ITSN2: variants seen among roughly 807,000 people sequenced by gnomAD.
ITSN2 encodes the protein intersectin 2, also known as intersectin-2.
A neutral mutation model predicts 243.7 loss-of-function variants in ITSN2; 156 were observed. The ratio of observed to expected loss-of-function variants is 0.64; its 90% confidence interval spans 0.56 to 0.73. ITSN2 has a LOEUF of 0.73. Among genes scored for constraint, ITSN2 ranks in the 30% least tolerant of loss-of-function variants. ITSN2 has a pLI of 0.00. For synonymous variants in ITSN2, 703 were observed against 699.9 expected, an observed-to-expected ratio of 1.00 and a Z score of -0.07; for missense variants, 1,801 against 1,996.1, an observed-to-expected ratio of 0.90 and a Z score of 1.86.
chr2:24,267,381 T>TA (rs11412953), intron 20 of ITSN2, among the ~76,000 whole-genome samples: 89,084 of 139,450 alleles, frequency 0.64, 27,815 homozygotes, highest in East Asian at 0.75. Context: ...ACTTAAAGTA[T>TA]AAAAAAAAAA....
intron 1 of ITSN2, among the ~76,000 whole-genome samples, chr2:24,348,759 C>G (rs1687778947): frequency 6.6e-6 from 1 of 152,088 alleles, no homozygotes; most frequent in East Asian, 1.9e-4. Flanking sequence ...AACCAAAAGG[C>G]TAACAGAATA....
rs1013620997 is a variant in ITSN2 at position 24,258,040 on chromosome 2, C to T, written c.2736G>A (p.Lys912=). The T allele has an allele frequency of 2.5e-6, 4 of 1,614,140 alleles. No individual in the cohort carries two copies. The highest frequency in any genetic ancestry group is 3.4e-6 in the Non-Finnish European group (4 of 1,179,982). ...TTGAGAAGTTCAAGTGGTTATCTTT[C>T]TTTGCAGTCCAGGAACAAAGGGCCT... ...KAQALCSWTA[K]KDNHLNFSKH... The change falls in exon 23 of 40, where the codon AAG becomes AAA. Residue 912 remains lysine (K), a synonymous_variant. Transcript: ENST00000355123.
At position 24,315,232 on chromosome 2, in the gene ITSN2, A is replaced by G. The variant is rs376365729; in HGVS notation, c.32-8T>C. Reference sequence around the variant, plus strand: ...CCCACATGTTTGGCCCTCCTGAAACATAAGTGGAAGAAACTATAGTGTATA... The same window carrying G: ...CCCACATGTTTGGCCCTCCTGAAACGTAAGTGGAAGAAACTATAGTGTATA... On this transcript the variant is annotated splice_polypyrimidine_tract_variant and splice_region_variant and intron_variant, in intron 2 of 39. Transcript: ENST00000355123. 4.3e-5 allele frequency: 67 copies of G among 1,557,948 alleles called. No homozygotes were observed. In the Middle Eastern group the frequency reaches 5.0e-4, roughly 12 times the overall value.
Position 24,203,759 on chromosome 2 carries a change from G to A in ITSN2, c.4961C>T (p.Pro1654Leu). 1.2e-6 allele frequency: 2 copies of A among 1,613,996 alleles called. No homozygotes were observed. The highest frequency in any genetic ancestry group is 1.7e-6 in the Non-Finnish European group (2 of 1,179,956). ...PDDFLGRTEI[P>L]VAKIRTEQES... is the part of the protein sequence containing the mutation. The stretch of plus-strand genomic sequence containing the variant: ...CTGTTCTGTTCGAATTTTTGCCACT[G>A]GAATTTCAGTACGACCCAGGAAATC... The change falls in exon 40 of 40, where the codon CCA becomes CTA. Residue 1654 changes from proline to leucine, a missense_variant. Transcript: ENST00000355123.
chr2:24,318,858 G>A (rs529031120), intron 2 of ITSN2, among the ~76,000 whole-genome samples: 211 of 152,292 alleles, frequency 1.4e-3, no homozygotes, highest in Admixed American at 2.7e-3. Context: ...GAACCTGGCC[G>A]CACAGAAGGT....
intron 18 of ITSN2, among the ~76,000 whole-genome samples, chr2:24,275,017 T>A (rs929136876): frequency 2.6e-4 from 39 of 152,352 alleles, no homozygotes; most frequent in African/African-American, 9.1e-4. Context: ...TTCTCCTTAC[T>A]ATAAATGGAG....
chr2:24,303,122 T>C (rs1428663353), intron 9 of ITSN2, among the ~76,000 whole-genome samples: 1 of 152,238 alleles, frequency 6.6e-6, no homozygotes, highest in Non-Finnish European at 1.5e-5. Flanking sequence ...ATGTATTTAC[T>C]ATACTTTATT....
rs1164905577 is a variant in ITSN2, at chr2:24,261,132, C to T, written c.2656G>A (p.Gly886Arg). The part of the protein sequence containing the change: ...KSAFTRTVSP[G>R]SVSPIHGQGQ... ...TGTCCATGAATAGGTGATACAGATC[C>T]AGGGGACACAGTTCGAGTGAAGGCT... Residue 886 changes from glycine to arginine, a missense_variant, in exon 22 of 40, where the codon GGA (glycine) becomes AGA (arginine). Gly to Arg is a moderately radical substitution (Grantham distance 125). Around this residue, in one of 5 missense-constraint regions of ITSN2, gnomAD observed 928 missense variants for 1,065.4 expected, o/e 0.87. Transcript: ENST00000355123. 1 of 1,613,808 alleles carries T rather than the reference C, an allele frequency of 6.2e-7. No homozygotes were observed.
intron 17 of ITSN2, among the ~76,000 whole-genome samples, chr2:24,280,911 C>A (rs1349789762): frequency 1.3e-5 from 2 of 152,188 alleles, no homozygotes. Context: ...CATTATTACA[C>A]CCTGAGTCTT....
chr2:24,208,988 A>T, intron 36 of ITSN2, 112 bp downstream of exon 36: 1 of 1,211,570 alleles, frequency 8.3e-7, no homozygotes, highest in Non-Finnish European at 1.2e-6. Flanking sequence ...AGAGAGGTTC[A>T]GGATACAGAA....
intron 35 of ITSN2, among the ~76,000 whole-genome samples, chr2:24,209,593 G>A (rs1192634537): frequency 6.6e-6 from 1 of 152,190 alleles, no homozygotes; most frequent in Non-Finnish European, 1.5e-5. Flanking sequence ...CTGGCCAGGA[G>A]GAAGCCAGAA....
chr2:24,240,724 T>C (rs1285852930), intron 29 of ITSN2: 4 of 152,194 alleles, frequency 2.6e-5, no homozygotes, highest in African/African-American at 7.2e-5. Context: ...TGAGGAAATA[T>C]GACTCTGTGA....
intron 2 of ITSN2, among the ~76,000 whole-genome samples, chr2:24,319,977 T>C (rs1339496965): frequency 6.6e-6 from 1 of 152,246 alleles, no homozygotes; most frequent in East Asian, 1.9e-4. Context: ...GTCAGAGATT[T>C]ATCCTAGATT....
In ITSN2 at chr2:24,204,413, T is replaced by C; in HGVS notation, c.4768A>G (p.Ser1590Gly). Residue 1590 changes from serine (S) to glycine (G), a missense_variant, in exon 39 of 40, where the codon AGC becomes GGC. Around this residue, in one of 5 missense-constraint regions of ITSN2, gnomAD observed 928 missense variants for 1,065.4 expected, o/e 0.87. Transcript: ENST00000355123. This position sits in a 1 kb window ranked among gnomAD's most constrained non-coding sequence, Gnocchi z 5.1. ...ELKACKPNGK[S>G]NPYCEISMGS... is the part of the protein sequence containing the mutation. ...ATGCTGATTTCACAGTATGGGTTGCTCTTTCCTGAACAAAAACAAACCACA... is the reference window on the plus strand; with the variant it reads ...ATGCTGATTTCACAGTATGGGTTGCCCTTTCCTGAACAAAAACAAACCACA... 1 of 1,614,166 alleles carries C rather than the reference T, an allele frequency of 6.2e-7. No homozygotes were observed. Among genetic ancestry groups the C allele is most frequent in the East Asian group, 2.2e-5 (1 of 44,882 alleles).
intron 8 of ITSN2, among the ~76,000 whole-genome samples, chr2:24,307,523 T>G (rs142387960): frequency 1.3e-5 from 2 of 152,178 alleles, no homozygotes; most frequent in Admixed American, 1.3e-4. Context: ...AGAACTAGAT[T>G]ACTACTAAAT....
chr2:24,343,327 T>C (rs142273955), intron 1 of ITSN2, among the ~76,000 whole-genome samples: 35 of 152,318 alleles, frequency 2.3e-4, no homozygotes, highest in African/African-American at 7.9e-4. Flanking sequence ...TTCCTATTTA[T>C]ACACTAGCAA....
At chr2:24,278,683 G>A (rs1040508486) in intron 17 of ITSN2, among the ~76,000 whole-genome samples, 8 of 126,072 alleles carry the variant, frequency 6.3e-5, no homozygotes, top group Admixed American at 4.1e-4. Context: ...ATGGAGCCTC[G>A]CTCTGTCGCC....
chr2:24,331,205 G>T (rs1343391956), intron 1 of ITSN2, among the ~76,000 whole-genome samples: 2 of 151,716 alleles, frequency 1.3e-5, no homozygotes, highest in Non-Finnish European at 2.9e-5. Context: ...CCAAGTAGCT[G>T]GGATTACAGT....
intron 18 of ITSN2, among the ~76,000 whole-genome samples, chr2:24,274,201 A>G (rs756434516): frequency 3.9e-5 from 6 of 152,198 alleles, no homozygotes; most frequent in Non-Finnish European, 8.8e-5. Flanking sequence ...TAAGAGCTGT[A>G]AGAGCTACTT....
Sources: gnomAD v4.1 joint callset for allele counts (sites outside exome capture counted in the v4.1 genomes callset) on GRCh38, gnomAD v4.1.1 for gene constraint, gnomAD v4.1.1 regional missense constraint, Gnocchi (gnomAD v3.1) non-coding constraint, MANE v1.5 for transcripts, NCBI Gene and HGNC (gene_info 2026-07-23, HGNC 2026-07-21) for gene names.